The following PBXIP1 variants were observed in gnomAD, a reference collection of about 807,000 sequenced individuals.
PBXIP1 encodes the protein PBX homeobox interacting protein 1.
Under a neutral mutation model 73.7 loss-of-function variants are expected in PBXIP1, and 73 were observed. The observed-to-expected ratio is 0.99, with a 90% confidence interval of 0.82 to 1.20. The LOEUF (loss-of-function observed/expected upper bound fraction) is 1.20, where lower values mean the gene tolerates loss of function less well. Ranked by LOEUF, PBXIP1 falls within the 50% of genes most tolerant of loss-of-function variation. PBXIP1 has a pLI of 0.00. For synonymous variants in PBXIP1, 330 were observed against 366.9 expected (o/e 0.90, Z 1.15); for missense variants, 818 against 911.4 (o/e 0.90, Z 1.32).
chr1:154,953,307 C>A (rs1655069476), intron 2 of PBXIP1, among the ~76,000 whole-genome samples: 1 of 152,178 alleles, frequency 6.6e-6, no homozygotes, highest in Admixed American at 6.5e-5. Context: ...CAACCTCACT[C>A]CAACACTGGC....
In PBXIP1 at chr1:154,951,846, T is replaced by C; in HGVS notation, c.127A>G (p.Ser43Gly). The C allele has an allele frequency of 6.2e-7, 1 of 1,613,900 alleles. No individual in the cohort carries two copies. Among genetic ancestry groups the C allele is most frequent in the Non-Finnish European group, 8.5e-7 (1 of 1,179,888 alleles). ...TCTTTCCCATCTGTCTTGGAGGGGC[T>C]GTGAGGGGCCTGCAGGGCTCTCTCA... ...ESERALQAPHSPSKTDGKELA... is the reference protein window; with the variant it reads ...ESERALQAPHGPSKTDGKELA... Residue 43 changes from serine (S) to glycine (G), a missense_variant, in exon 3 of 11, where the codon AGC becomes GGC. Coordinates refer to ENST00000368463, the MANE Select transcript of PBXIP1 (RefSeq NM_020524.4). The surrounding 1 kb of genome is among the most constrained non-coding windows in gnomAD (Gnocchi z 4.3).
intron 2 of PBXIP1, among the ~76,000 whole-genome samples, chr1:154,953,256 G>T (rs183178406): frequency 5.8e-4 from 89 of 152,256 alleles, no homozygotes; most frequent in African/African-American, 2.0e-3. Context: ...GCCTCAGCCA[G>T]GCTCTTCCGG....
Position 154,945,760 on chromosome 1 carries a change from G to T in PBXIP1, c.1914C>A (p.Leu638=). ...WAGQLTKELP[L]SPAFFGEDGI... ...CATCCTCACCAAAGAAAGCAGGTGA[G>T]AGGGGTAGCTCCTTGGTCAGCTGCC... Residue 638 remains leucine, a synonymous_variant, in exon 10 of 11, where the codon CTC becomes CTA. Coordinates refer to ENST00000368463, the MANE Select transcript of PBXIP1 (RefSeq NM_020524.4). 2 of 1,614,256 alleles carry T rather than the reference G, an allele frequency of 1.2e-6. No individual in the cohort carries two copies. Among genetic ancestry groups the T allele is most frequent in the Non-Finnish European group, 1.7e-6 (2 of 1,180,040 alleles).
chr1:154,951,319 T>C lies in PBXIP1; in HGVS notation c.322A>G (p.Thr108Ala). 1 of 1,614,070 alleles carries C rather than the reference T, an allele frequency of 6.2e-7. No individual in the cohort carries two copies. Among genetic ancestry groups the C allele is most frequent in the South Asian group, 1.1e-5 (1 of 91,082 alleles). The change falls in exon 5 of 11, where the codon ACC becomes GCC. Residue 108 changes from threonine (T) to alanine (A), a missense_variant. Transcript: ENST00000368463. The surrounding 1 kb of genome is among the most constrained non-coding windows in gnomAD (Gnocchi z 4.3). ...DTVVQGDLQE[T>A]TVVTGLGPDT... is the part of the protein sequence containing the mutation. ...GGTCCCAGGCCTGTCACCACGGTGG[T>C]CTCCTGCAGGTCTCCCTGGACTACT...
rs2101987416 is a variant in PBXIP1, at chr1:154,951,017, C to T, written c.409+215G>A. ...CCATGGCAGAGAGGAAAGAGTCAAC[C>T]AGATGTGGGCCCTGCCCCTTACCAG... On this transcript the variant is annotated intron_variant, in intron 5 of 10. Coordinates refer to ENST00000368463, the MANE Select transcript of PBXIP1 (RefSeq NM_020524.4). This position sits in a 1 kb window ranked among gnomAD's most constrained non-coding sequence, Gnocchi z 4.3. 6.6e-6 allele frequency among the ~76,000 whole-genome samples: 1 copy of T among 152,362 alleles called. No homozygotes were observed. The highest frequency in any genetic ancestry group is 2.1e-4 in the South Asian group (1 of 4,832).
chr1:154,948,458 G>A (rs1654908612), intron 5 of PBXIP1, 92 bp from the exon 6 acceptor site: 1 of 934,466 alleles, frequency 1.1e-6, no homozygotes, highest in African/African-American at 1.6e-5. Flanking sequence ...CACAGGGAGG[G>A]AGGTCGTCAG....
rs1297830845 is a variant in PBXIP1, at chr1:154,944,806, G to A, written c.*218C>T. 5 of 525,866 alleles carry A rather than the reference G, an allele frequency of 9.5e-6. No homozygotes were observed. Among genetic ancestry groups the A allele is most frequent in the African/African-American group, 5.8e-5 (3 of 51,866 alleles). The allele number at this position is 525,866 out of a possible 1,614,324, so 32.6% of individuals were successfully genotyped here. Reference sequence around the variant, plus strand: ...ACACAAGCCCACATCCCAGGGCCTGGAGTATTTGCATGCATTTGCATAGAC... The same window carrying A: ...ACACAAGCCCACATCCCAGGGCCTGAAGTATTTGCATGCATTTGCATAGAC... On this transcript the variant is annotated 3_prime_UTR_variant, in exon 11 of 11. Transcript: ENST00000368463.
chr1:154,953,055 C>A (rs1655060942), intron 2 of PBXIP1, among the ~76,000 whole-genome samples: 1 of 152,200 alleles, frequency 6.6e-6, no homozygotes, highest in Non-Finnish European at 1.5e-5. Flanking sequence ...CTGCCAACCC[C>A]CTTCTCCCTC....
intron 5 of PBXIP1, among the ~76,000 whole-genome samples, chr1:154,949,544 C>T (rs2101986325): frequency 6.6e-6 from 1 of 152,220 alleles, no homozygotes; most frequent in African/African-American, 2.4e-5. Flanking sequence ...TATAAGCACA[C>T]ACTTCCTAGA....
At chr1:154,945,520 T>C (rs1558036654) in intron 10 of PBXIP1, 52 bp downstream of exon 10, 3 of 1,551,692 alleles carry the variant, frequency 1.9e-6, no homozygotes, top group East Asian at 4.5e-5. Context: ...GCTCTTCACA[T>C]CCTCCCGACT....
rs908398002 is a variant in PBXIP1 at position 154,951,295 on chromosome 1, G to T, written c.346C>A (p.Pro116Thr). Residue 116 changes from proline (P) to threonine (T), a missense_variant, in exon 5 of 11, where the codon CCA becomes ACA. Transcript: ENST00000368463. This position sits in a 1 kb window ranked among gnomAD's most constrained non-coding sequence, Gnocchi z 4.3. ...QETTVVTGLG[P>T]DTQDLEGQSP... The stretch of plus-strand genomic sequence containing the variant: ...TGGCCTTCCAGGTCCTGTGTGTCTG[G>T]TCCCAGGCCTGTCACCACGGTGGTC... 6.2e-7 allele frequency: 1 copy of T among 1,614,022 alleles called. No individual in the cohort carries two copies. Among genetic ancestry groups the T allele is most frequent in the African/African-American group, 1.3e-5 (1 of 74,914 alleles).
chr1:154,953,839 G>T, intron 1 of PBXIP1, 82 bp from the exon 2 acceptor site: 2 of 854,980 alleles, frequency 2.3e-6, no homozygotes, highest in Non-Finnish European at 3.7e-6. Context: ...TGGGTTCCAA[G>T]GTTCAAGTGC....
Position 154,946,279 on chromosome 1 carries a change from G to A in PBXIP1, c.1395C>T (p.His465=), listed in dbSNP as rs192315620. 24 of 1,614,192 alleles carry A rather than the reference G, an allele frequency of 1.5e-5. No individual in the cohort carries two copies. In the East Asian group the frequency reaches 4.9e-4, roughly 33 times the overall value. Residue 465 remains histidine, a synonymous_variant, in exon 10 of 11, where the codon CAC becomes CAT. Coordinates refer to ENST00000368463, the MANE Select transcript of PBXIP1 (RefSeq NM_020524.4). The part of the protein sequence containing the change: ...NASKAWHQKS[H]FQNSREWSGK... ...CACTCCACTCCCTAGAATTCTGGAA[G>A]TGGGACTTCTGGTGCCAGGCCTTTG... is the stretch of plus-strand genomic sequence containing the variant.
In PBXIP1 at chr1:154,951,653, G is replaced by T; in HGVS notation, c.179-118C>A. 3 of 1,411,238 alleles carry T rather than the reference G, an allele frequency of 2.1e-6. No individual in the cohort carries two copies. Among genetic ancestry groups the T allele is most frequent in the South Asian group, 1.2e-5 (1 of 85,114 alleles). The allele number at this position is 1,411,238 out of a possible 1,614,324, so 87.4% of individuals were successfully genotyped here. A position where few individuals can be genotyped will look rare whatever the true frequency, so the allele number is the denominator to read the frequency against. ...GAAGAGGCAGGAAAAAGCCAGGATGGAATGAGAAAAGGAGTTTGTCAACTG... is the reference window on the plus strand; with the variant it reads ...GAAGAGGCAGGAAAAAGCCAGGATGTAATGAGAAAAGGAGTTTGTCAACTG... On this transcript the variant is annotated intron_variant, in intron 3 of 10. Coordinates refer to ENST00000368463, the MANE Select transcript of PBXIP1 (RefSeq NM_020524.4). This position sits in a 1 kb window ranked among gnomAD's most constrained non-coding sequence, Gnocchi z 4.3.
Position 154,951,612 on chromosome 1 carries a change from G to T in PBXIP1, c.179-77C>A, listed in dbSNP as rs931694682. The T allele has an allele frequency of 6.6e-7, 1 of 1,503,762 alleles. No individual in the cohort carries two copies. Among genetic ancestry groups the T allele is most frequent in the Non-Finnish European group, 9.2e-7 (1 of 1,081,224 alleles). The allele number at this position is 1,503,762 out of a possible 1,614,324, so 93.2% of individuals were successfully genotyped here. ...TTTGCAGCCCTCTGTCCATCCCACG[G>T]GCCCCTACCAGGTTGGAAGAGGCAG... On this transcript the variant is annotated intron_variant, in intron 3 of 10. Transcript: ENST00000368463. The surrounding 1 kb of genome is among the most constrained non-coding windows in gnomAD (Gnocchi z 4.3).
chr1:154,954,227 G>T lies in PBXIP1; in HGVS notation c.-36-470C>A, dbSNP rs912030901. 4.6e-5 allele frequency among the ~76,000 whole-genome samples: 7 copies of T among 152,342 alleles called. No individual in the cohort carries two copies. In the East Asian group the frequency reaches 9.6e-4, roughly 21 times the overall value. ...CTACCTTCTCCCCCAGGACCTGGAA[G>T]GGAAGACTCAATGGCCTCCTTCAGC... On this transcript the variant is annotated intron_variant, in intron 1 of 10. Transcript: ENST00000368463.
chr1:154,949,423 C>A (rs1654939415), intron 5 of PBXIP1, among the ~76,000 whole-genome samples: 1 of 152,080 alleles, frequency 6.6e-6, no homozygotes, highest in Non-Finnish European at 1.5e-5. Context: ...AAGTGATCCA[C>A]CTGCCTGGAA....
chr1:154,948,825 C>T (rs185795705), intron 5 of PBXIP1, among the ~76,000 whole-genome samples: 269 of 149,714 alleles, frequency 1.8e-3, no homozygotes, highest in Non-Finnish European at 2.6e-3. Flanking sequence ...ACCACTGACA[C>T]CCCCCTTCAG....
At position 154,951,231 on chromosome 1, in the gene PBXIP1, C is replaced by T; in HGVS notation, c.409+1G>A. 1.2e-6 allele frequency: 2 copies of T among 1,613,724 alleles called. No individual in the cohort carries two copies. Among genetic ancestry groups the T allele is most frequent in the Non-Finnish European group, 1.7e-6 (2 of 1,179,814 alleles). Reference sequence around the variant, plus strand: ...ACAGGAGAGGCAAGGAAGACTCTCACCTGCTTTGGGGGTTGAAGGCAGGCT... The same window carrying T: ...ACAGGAGAGGCAAGGAAGACTCTCATCTGCTTTGGGGGTTGAAGGCAGGCT... On this transcript the variant is annotated splice_donor_variant, in intron 5 of 10. Transcript: ENST00000368463. LOFTEE classifies it high-confidence loss of function. The surrounding 1 kb of genome is among the most constrained non-coding windows in gnomAD (Gnocchi z 4.3).
Sources: gnomAD v4.1 joint callset for allele counts (sites outside exome capture counted in the v4.1 genomes callset) on GRCh38, gnomAD v4.1.1 for gene constraint, Gnocchi (gnomAD v3.1) non-coding constraint, MANE v1.5 for transcripts, NCBI Gene and HGNC (gene_info 2026-07-23, HGNC 2026-07-21) for gene names.